GARS1: variants seen among roughly 807,000 people sequenced by gnomAD.
The protein encoded by GARS1 is glycine--tRNA ligase.
GARS1 carries 46 observed loss-of-function variants against 86.4 expected under a neutral mutation model. The observed-to-expected ratio is 0.53, with a 90% CI of 0.42 to 0.68. The LOEUF (loss-of-function observed/expected upper bound fraction) is 0.68, where lower values mean the gene tolerates loss of function less well. Ranked by LOEUF, GARS1 falls within the 30% of genes least tolerant of loss-of-function variation. The pLI, the probability that GARS1 is intolerant of heterozygous loss-of-function variation, is 0.00. For synonymous variants in GARS1, 342 were observed against 329.8 expected (o/e 1.04, Z -0.40); for missense variants, 797 against 915.6 (o/e 0.87, Z 1.67).
intron 1 of GARS1, 128 bp from the exon 2 acceptor site, chr7:30,598,668 G>A: frequency 1.3e-6 from 1 of 751,718 alleles, no homozygotes; most frequent in Admixed American, 2.0e-5. Context: ...ACAGGCGTGA[G>A]CCACCACGCT....
At chr7:30,626,440 G>T (rs561679225) in intron 13 of GARS1, 121 bp downstream of exon 13, 3 of 688,614 alleles carry the variant, frequency 4.4e-6, no homozygotes, top group Non-Finnish European at 8.0e-6. Flanking sequence ...CTGCCTCCCC[G>T]GCTCAAGCGT....
At chr7:30,596,394 A>G (rs2128132126) in intron 1 of GARS1, among the ~76,000 whole-genome samples, 1 of 152,260 alleles carries the variant, frequency 6.6e-6, no homozygotes, top group East Asian at 1.9e-4. Context: ...CCACTCCACA[A>G]ATAAAATTAG....
chr7:30,629,532 C>G (rs907723641), intron 14 of GARS1, among the ~76,000 whole-genome samples: 1 of 151,732 alleles, frequency 6.6e-6, no homozygotes, highest in Non-Finnish European at 1.5e-5. Context: ...AAAGAAACAG[C>G]GTCATCCACT....
At chr7:30,604,128 CT>C (rs1791436281) in intron 6 of GARS1, among the ~76,000 whole-genome samples, 2 of 152,036 alleles carry the variant, frequency 1.3e-5, no homozygotes, top group African/African-American at 4.8e-5. Context: ...TTATTCTGAC[CT>C]TTTACCAATT....
intron 8 of GARS1, among the ~76,000 whole-genome samples, chr7:30,612,917 G>GT (rs1271594994): frequency 9.9e-5 from 15 of 152,206 alleles, no homozygotes; most frequent in Non-Finnish European, 2.2e-4. Flanking sequence ...TATGACTTAA[G>GT]TTTTTTGTGA....
At position 30,628,681 on chromosome 7, in the gene GARS1, T is replaced by G; in HGVS notation, c.1809+12T>G. 6.5e-7 allele frequency: 1 copy of G among 1,548,158 alleles called. No individual in the cohort carries two copies. The highest frequency in any genetic ancestry group is 8.9e-7 in the Non-Finnish European group (1 of 1,120,294). On this transcript the variant is annotated intron_variant, in intron 14 of 16. Transcript: ENST00000389266. ...ATGAACAGAGAACAGTAAGTTGTTG[T>G]GTACAGTGTGCTGTTATAGTGTCAG...
intron 2 of GARS1, among the ~76,000 whole-genome samples, chr7:30,599,158 G>A (rs1363333429): frequency 1.3e-5 from 2 of 152,202 alleles, no homozygotes; most frequent in African/African-American, 4.8e-5. Context: ...AATTTCCATG[G>A]AAAGGATTGT....
At chr7:30,631,370 C>G (rs1210883425) in intron 14 of GARS1, 78 bp from the exon 15 acceptor site, 24 of 1,106,520 alleles carry the variant, frequency 2.2e-5, no homozygotes, top group Non-Finnish European at 3.3e-5. Context: ...GAATATTAAC[C>G]TCTTTTGGTT....
At chr7:30,616,210 GTAT>G in intron 9 of GARS1, 152 bp downstream of exon 9, 1 of 780,368 alleles carries the variant, frequency 1.3e-6, no homozygotes. Context: ...TTGTTATACA[GTAT>G]TATTATAGTA....
At chr7:30,608,384 A>C (rs757634102) in intron 6 of GARS1, among the ~76,000 whole-genome samples, 1 of 152,174 alleles carries the variant, frequency 6.6e-6, no homozygotes, top group Non-Finnish European at 1.5e-5. Context: ...GATGTTCCTC[A>C]GGCTCTTTAA....
intron 10 of GARS1, among the ~76,000 whole-genome samples, chr7:30,620,812 G>A (rs562963973): frequency 3.3e-5 from 5 of 152,294 alleles, no homozygotes. Context: ...TCAGCCATCT[G>A]ATATCAAGTT....
intron 6 of GARS1, among the ~76,000 whole-genome samples, chr7:30,604,591 T>A (rs1791446269): frequency 6.6e-6 from 1 of 152,210 alleles, no homozygotes; most frequent in Non-Finnish European, 1.5e-5. Context: ...TTTCTCCTTC[T>A]TCATTTACAT....
chr7:30,608,188 G>A (rs1397450642), intron 6 of GARS1, among the ~76,000 whole-genome samples: 2 of 152,092 alleles, frequency 1.3e-5, no homozygotes, highest in Non-Finnish European at 2.9e-5. Context: ...TTGTGTCTTT[G>A]GGATAGATGC....
chr7:30,629,898 C>G (rs574669604), intron 14 of GARS1, among the ~76,000 whole-genome samples: 2 of 152,312 alleles, frequency 1.3e-5, no homozygotes, highest in African/African-American at 4.8e-5. Flanking sequence ...GCTTATTTTT[C>G]TAATAAAAAG....
chr7:30,612,047 A>G (rs1782768038), intron 7 of GARS1, 49 bp from the exon 8 acceptor site: 1 of 1,537,248 alleles, frequency 6.5e-7, no homozygotes, highest in African/African-American at 1.4e-5. Flanking sequence ...GGATTGTTGG[A>G]AAACATAATT....
chr7:30,625,349 A>G (rs1477474111), intron 12 of GARS1, among the ~76,000 whole-genome samples: 1 of 152,242 alleles, frequency 6.6e-6, no homozygotes, highest in Admixed American at 6.5e-5. Flanking sequence ...ATGCATGCAC[A>G]CACAGACTTC....
chr7:30,626,288 C>G lies in GARS1; in HGVS notation c.1668C>G (p.Ile556Met). 1 of 1,603,206 alleles carries G rather than the reference C, an allele frequency of 6.2e-7. No individual in the cohort carries two copies. The highest frequency in any genetic ancestry group is 2.2e-5 in the East Asian group (1 of 44,794). Residue 556 changes from isoleucine (I) to methionine (M), a missense_variant, in exon 13 of 17, where the codon ATC becomes ATG. By Grantham distance (10) the Ile-to-Met change is conservative. Transcript: ENST00000389266. ...CATTTCAGTTAACAAAAGACATGAT[C>G]AATGTGAAGAGATTCCAGAAAACAC... ...GKTFQLTKDM[I>M]NVKRFQKTLY...
intron 13 of GARS1, chr7:30,627,038 A>G: frequency 4.3e-6 from 2 of 466,396 alleles, no homozygotes; most frequent in South Asian, 1.6e-5. Flanking sequence ...TTAAAAGTTA[A>G]GAAGATGTTT....
intron 6 of GARS1, among the ~76,000 whole-genome samples, chr7:30,607,589 C>T (rs1262207484): frequency 1.3e-5 from 2 of 152,020 alleles, no homozygotes; most frequent in African/African-American, 4.8e-5. Flanking sequence ...GGAGAAATAC[C>T]TAATGTAAAT....
Sources: allele counts gnomAD v4.1 joint callset (sites outside exome capture counted in the v4.1 genomes callset), GRCh38; gene constraint gnomAD v4.1.1; transcripts MANE v1.5; gene names NCBI Gene and HGNC (gene_info 2026-07-23, HGNC 2026-07-21).